KCNA2: variants seen among roughly 807,000 people sequenced by gnomAD.
KCNA2 encodes potassium voltage-gated channel subfamily A member 2, also known as potassium channel, voltage gated shaker related subfamily A, member 2.
Under a neutral mutation model 33.4 loss-of-function variants are expected in KCNA2, and 11 were observed. The observed-to-expected ratio is 0.33, with a 90% CI of 0.21 to 0.55. KCNA2 has a LOEUF of 0.55. Ranked by LOEUF, KCNA2 falls within the 20% of genes least tolerant of loss-of-function variation. KCNA2 has a pLI of 0.93. For missense variants in KCNA2, 291 were observed against 621.6 expected, an observed-to-expected ratio of 0.47 and a Z score of 5.66; for synonymous variants, 222 against 231.3, an observed-to-expected ratio of 0.96 and a Z score of 0.37.
rs1349989645 is a variant in KCNA2, at chr1:110,597,380, A to G, written c.*5903T>C. ...TCCATTACATCTGCCAGACTGAGGG[A>G]AAGTCAACAAAATGGGCTGAAAAGG... On this transcript the variant is annotated 3_prime_UTR_variant, in exon 3 of 3. Transcript: ENST00000316361. The G allele has an allele frequency of 1.0e-6, 1 of 985,204 alleles. No homozygotes were observed. The highest frequency in any genetic ancestry group is 1.2e-6 in the Non-Finnish European group (1 of 829,918). 61.0% of individuals were successfully genotyped at this position (985,204 alleles called of 1,614,324 possible). A position where few individuals can be genotyped will look rare whatever the true frequency, so the allele number is the denominator to read the frequency against.
upstream of KCNA2, among the ~76,000 whole-genome samples, chr1:110,609,192 C>T (rs1216460172): frequency 6.6e-6 from 1 of 152,196 alleles, no homozygotes; most frequent in African/African-American, 2.4e-5. Flanking sequence ...CATTTAAAGT[C>T]AGATAATCCT....
At chr1:110,618,392 G>A (rs1048038744) in intron 1 of KCNA2, among the ~76,000 whole-genome samples, 2 of 152,154 alleles carry the variant, frequency 1.3e-5, no homozygotes, top group African/African-American at 4.8e-5. Context: ...CTGGAGAGTG[G>A]AGCCTAGAAC....
rs1250789531 is a variant in KCNA2 at position 110,597,738 on chromosome 1, C to T, written c.*5545G>A. The T allele has an allele frequency of 2.0e-6, 2 of 985,268 alleles. No homozygotes were observed. Among genetic ancestry groups the T allele is most frequent in the South Asian group, 4.7e-5 (1 of 21,284 alleles). 61.0% of individuals were successfully genotyped at this position (985,268 alleles called of 1,614,324 possible). A position where few individuals can be genotyped will look rare whatever the true frequency, so the allele number is the denominator to read the frequency against. ...AATCCAGGTACTATCTATCACTTTT[C>T]AGTCCTGAGAGCAAGATTTTGAAAG... On this transcript the variant is annotated 3_prime_UTR_variant, in exon 3 of 3. Transcript: ENST00000316361.
At position 110,595,199 on chromosome 1, in the gene KCNA2, C is replaced by T; in HGVS notation, c.*8084G>A. 1.0e-6 allele frequency: 1 copy of T among 985,454 alleles called. No individual in the cohort carries two copies. Among genetic ancestry groups the T allele is most frequent in the South Asian group, 4.7e-5 (1 of 21,286 alleles). The allele number at this position is 985,454 out of a possible 1,614,324, so 61.0% of individuals were successfully genotyped here. ...GTAGCTGTCCACATTATTACATAAT[C>T]ATGCCCTGTGCATCCATCAGTGGAA... On this transcript the variant is annotated 3_prime_UTR_variant, in exon 3 of 3. Transcript: ENST00000316361.
chr1:110,624,508 G>A (rs1433163605), intron 1 of KCNA2, among the ~76,000 whole-genome samples: 1 of 152,196 alleles, frequency 6.6e-6, no homozygotes, highest in Non-Finnish European at 1.5e-5. Flanking sequence ...ACTGACAAGT[G>A]GCAGGAGTGA....
At chr1:110,629,516 GAAGCAGCTCAGT>G (rs1353292962) in intron 1 of KCNA2, among the ~76,000 whole-genome samples, 2 of 152,214 alleles carry the variant, frequency 1.3e-5, no homozygotes, top group Non-Finnish European at 2.9e-5. Context: ...ACTACCCTGA[GAAGCAGCTCAGT>G]GAGGCACCTC....
At chr1:110,612,496 C>T (rs551716139) in intron 1 of KCNA2, among the ~76,000 whole-genome samples, 1 of 152,180 alleles carries the variant, frequency 6.6e-6, no homozygotes. Context: ...CCACATGCAG[C>T]CAATCACTTG....
intron 1 of KCNA2, among the ~76,000 whole-genome samples, chr1:110,611,933 G>C (rs1208466952): frequency 6.6e-6 from 1 of 152,150 alleles, no homozygotes; most frequent in Non-Finnish European, 1.5e-5. Context: ...TAGGTAGGCG[G>C]ATCAGCTGAG....
intron 1 of KCNA2, among the ~76,000 whole-genome samples, chr1:110,627,947 C>T (rs1650445345): frequency 6.6e-6 from 1 of 152,016 alleles, no homozygotes; most frequent in African/African-American, 2.4e-5. Context: ...AAAGAGGGTA[C>T]TGAAAGTAGT....
Position 110,596,107 on chromosome 1 carries a change from T to C in KCNA2, c.*7176A>G. 2.0e-6 allele frequency: 2 copies of C among 985,356 alleles called. No individual in the cohort carries two copies. 61.0% of individuals were successfully genotyped at this position (985,356 alleles called of 1,614,324 possible). A position where few individuals can be genotyped will look rare whatever the true frequency, so the allele number is the denominator to read the frequency against. ...GAGGGAAAGGAAAGAGGTGATCCTGTAGCCTGTTCTTTTTTTATGAAAGAT... is the reference window on the plus strand; with the variant it reads ...GAGGGAAAGGAAAGAGGTGATCCTGCAGCCTGTTCTTTTTTTATGAAAGAT... On this transcript the variant is annotated 3_prime_UTR_variant, in exon 3 of 3. Transcript: ENST00000316361.
rs1649092531 is a variant in KCNA2 at position 110,596,205 on chromosome 1, G to T, written c.*7078C>A. 1.0e-6 allele frequency: 1 copy of T among 984,850 alleles called. No individual in the cohort carries two copies. Among genetic ancestry groups the T allele is most frequent in the Admixed American group, 6.2e-5 (1 of 16,242 alleles). 61.0% of individuals were successfully genotyped at this position (984,850 alleles called of 1,614,324 possible). A position where few individuals can be genotyped will look rare whatever the true frequency, so the allele number is the denominator to read the frequency against. On this transcript the variant is annotated 3_prime_UTR_variant, in exon 3 of 3. Coordinates refer to ENST00000316361, the MANE Select transcript of KCNA2 (RefSeq NM_004974.4). ...GAGAGGTGAAAAGAATGCAAAGGAG[G>T]TCATTCAAAAAATGCACATAAATGC...
rs1649275630 is a variant in KCNA2 at position 110,600,175 on chromosome 1, T to C, written c.*3108A>G. 1.0e-6 allele frequency: 1 copy of C among 983,926 alleles called. No homozygotes were observed. The highest frequency in any genetic ancestry group is 1.8e-5 in the African/African-American group (1 of 56,752). 60.9% of individuals were successfully genotyped at this position (983,926 alleles called of 1,614,324 possible). A position where few individuals can be genotyped will look rare whatever the true frequency, so the allele number is the denominator to read the frequency against. ...ATTCATAGCTCTGGGGGCAGGGCAA[T>C]GGGTCTGAGTATATGTCTGCATTTC... On this transcript the variant is annotated 3_prime_UTR_variant, in exon 3 of 3. Coordinates refer to ENST00000316361, the MANE Select transcript of KCNA2 (RefSeq NM_004974.4).
upstream of KCNA2, chr1:110,606,949 A>C (rs1324474143): frequency 6.5e-6 from 1 of 152,674 alleles, no homozygotes; most frequent in African/African-American, 2.4e-5. Flanking sequence ...TTATGCTGCC[A>C]GCTGCACTTC....
chr1:110,625,410 T>C (rs1430092247), intron 1 of KCNA2, among the ~76,000 whole-genome samples: 2 of 152,158 alleles, frequency 1.3e-5, no homozygotes, highest in East Asian at 3.8e-4. Context: ...TAATAAATGG[T>C]ATAATGACTA....
At chr1:110,613,605 G>A (rs1357485834) in intron 1 of KCNA2, among the ~76,000 whole-genome samples, 1 of 152,186 alleles carries the variant, frequency 6.6e-6, no homozygotes, top group Non-Finnish European at 1.5e-5. Context: ...CCAAGAGGCT[G>A]AGAGGGGTCA....
Position 110,603,352 on chromosome 1 carries a change from C to T in KCNA2, c.1431G>A (p.Leu477=). ...NSNEDFREEN[L]KTANCTLANT... ...TAGCCAAGGTACAGTTGGCTGTTTTCAAGTTTTCCTCTCTAAAGTCCTCAT... is the reference window on the plus strand; with the variant it reads ...TAGCCAAGGTACAGTTGGCTGTTTTTAAGTTTTCCTCTCTAAAGTCCTCAT... Residue 477 remains leucine (L), a synonymous_variant, in exon 3 of 3, where the codon TTG becomes TTA. Coordinates refer to ENST00000316361, the MANE Select transcript of KCNA2 (RefSeq NM_004974.4). This position sits in a 1 kb window ranked among gnomAD's most constrained non-coding sequence, Gnocchi z 5.7. The T allele has an allele frequency of 6.2e-7, 1 of 1,613,848 alleles. No homozygotes were observed. Among genetic ancestry groups the T allele is most frequent in the Non-Finnish European group, 8.5e-7 (1 of 1,179,956 alleles).
chr1:110,602,185 A>C lies in KCNA2; in HGVS notation c.*1098T>G. The C allele has an allele frequency of 1.3e-6, 2 of 1,550,062 alleles. No homozygotes were observed. The highest frequency in any genetic ancestry group is 1.7e-6 in the Non-Finnish European group (2 of 1,146,878). ...GGTCTGCGTTCCTGTTTAGAAGAAC[A>C]GGGATAGGTAGGCTGGGGGGCCAGA... On this transcript the variant is annotated 3_prime_UTR_variant, in exon 3 of 3. Coordinates refer to ENST00000316361, the MANE Select transcript of KCNA2 (RefSeq NM_004974.4).
chr1:110,599,881 C>T lies in KCNA2; in HGVS notation c.*3402G>A, dbSNP rs1230583269. On this transcript the variant is annotated 3_prime_UTR_variant, in exon 3 of 3. Coordinates refer to ENST00000316361, the MANE Select transcript of KCNA2 (RefSeq NM_004974.4). ...AAGGAGGCCTATATTAGGCTACCAG[C>T]TGTCCCAGGTACTTTCACACCCTGC... 1 of 985,280 alleles carries T rather than the reference C, an allele frequency of 1.0e-6. No individual in the cohort carries two copies. The highest frequency in any genetic ancestry group is 1.2e-6 in the Non-Finnish European group (1 of 829,958). The allele number at this position is 985,280 out of a possible 1,614,324, so 61.0% of individuals were successfully genotyped here.
rs1459168437 is a variant in KCNA2 at position 110,597,687 on chromosome 1, C to T, written c.*5596G>A. 1.0e-6 allele frequency: 1 copy of T among 985,250 alleles called. No individual in the cohort carries two copies. The highest frequency in any genetic ancestry group is 1.2e-6 in the Non-Finnish European group (1 of 829,934). The allele number at this position is 985,250 out of a possible 1,614,324, so 61.0% of individuals were successfully genotyped here. A position where few individuals can be genotyped will look rare whatever the true frequency, so the allele number is the denominator to read the frequency against. On this transcript the variant is annotated 3_prime_UTR_variant, in exon 3 of 3. Transcript: ENST00000316361. The stretch of plus-strand genomic sequence containing the variant: ...AAACTACAGAGACTGTGAATGAGCC[C>T]CCAGAAGTCAAGGGCATTATCTGAT...
Sources: allele counts gnomAD v4.1 joint callset (sites outside exome capture counted in the v4.1 genomes callset), GRCh38; gene constraint gnomAD v4.1.1; non-coding constraint Gnocchi (gnomAD v3.1); transcripts MANE v1.5; gene names NCBI Gene and HGNC (gene_info 2026-07-23, HGNC 2026-07-21).